MOCOS: variants seen among roughly 807,000 people sequenced by gnomAD.
The protein encoded by MOCOS is molybdenum cofactor sulfurase.
A neutral mutation model predicts 83.6 loss-of-function variants in MOCOS; 86 were observed. That is an observed-to-expected ratio of 1.03 (90% CI 0.86 to 1.23). The LOEUF (loss-of-function observed/expected upper bound fraction) is 1.23. Ranked by LOEUF, MOCOS falls within the 50% of genes most tolerant of loss-of-function variation. MOCOS has a pLI of 0.00. For synonymous variants in MOCOS, 445 were observed against 434.7 expected, an observed-to-expected ratio of 1.02 and a Z score of -0.29; for missense variants, 1,120 against 1,126.9, an observed-to-expected ratio of 0.99 and a Z score of 0.09.
intron 9 of MOCOS, among the ~76,000 whole-genome samples, chr18:36,239,608 G>T (rs987042202): frequency 1.4e-5 from 2 of 145,834 alleles, no homozygotes; most frequent in African/African-American, 5.2e-5. Flanking sequence ...TGACAATTAT[G>T]TGTCTTGGAG....
chr18:36,261,556 AT>A (rs2091663433), intron 13 of MOCOS, among the ~76,000 whole-genome samples: 1 of 152,214 alleles, frequency 6.6e-6, no homozygotes, highest in Admixed American at 6.5e-5. Flanking sequence ...AGTCATTTGA[AT>A]CTTTATTAAA....
rs71168207 is a variant in MOCOS at position 36,226,714 on chromosome 18, C to CTTT, written c.1960+6506_1960+6508dup. ...TTTGTGTAACTTCTATAGGTTTTTTCTTTTTTTTTTTGGTGTGTAGTTATT... is the reference window on the plus strand; with the variant it reads ...TTTGTGTAACTTCTATAGGTTTTTTCTTTTTTTTTTTTTTGGTGTGTAGTTATT... On this transcript the variant is annotated intron_variant, in intron 9 of 14. Coordinates refer to ENST00000261326, the MANE Select transcript of MOCOS (RefSeq NM_017947.4). 5.7e-3 allele frequency among the ~76,000 whole-genome samples: 822 copies of CTTT among 143,268 alleles called. 8 individuals are homozygous for CTTT. Among genetic ancestry groups the CTTT allele is most frequent in the Admixed American group, 8.4e-3 (121 of 14,354 alleles). The allele number at this position is 143,268 out of a possible 152,430, so 94.0% of individuals were successfully genotyped here. A position where few individuals can be genotyped will look rare whatever the true frequency, so the allele number is the denominator to read the frequency against.
chr18:36,194,688 C>T (rs1378311689), intron 1 of MOCOS, among the ~76,000 whole-genome samples: 3 of 152,244 alleles, frequency 2.0e-5, no homozygotes, highest in Non-Finnish European at 4.4e-5. Flanking sequence ...TGTTTCGCCA[C>T]AGCTTCATTC....
At chr18:36,216,340 A>T (rs1211685528) in intron 8 of MOCOS, among the ~76,000 whole-genome samples, 2 of 152,256 alleles carry the variant, frequency 1.3e-5, no homozygotes, top group Non-Finnish European at 2.9e-5. Flanking sequence ...CCTATTTTAT[A>T]GATATGGAGC....
chr18:36,253,449 C>T (rs1598592685), intron 11 of MOCOS, among the ~76,000 whole-genome samples: 1 of 152,082 alleles, frequency 6.6e-6, no homozygotes, highest in Non-Finnish European at 1.5e-5. Context: ...GGGCAGATCA[C>T]GAGGTCAGGA....
chr18:36,251,398 G>T, intron 11 of MOCOS, 115 bp downstream of exon 11: 2 of 1,394,332 alleles, frequency 1.4e-6, no homozygotes, highest in Admixed American at 3.4e-5. Context: ...GGAAAGCAGG[G>T]GTCATCAGCC....
intron 6 of MOCOS, among the ~76,000 whole-genome samples, chr18:36,213,123 A>C (rs1216031164): frequency 6.6e-6 from 1 of 152,206 alleles, no homozygotes; most frequent in Non-Finnish European, 1.5e-5. Context: ...GCTCGGAATA[A>C]CACTTCGCGG....
chr18:36,217,403 G>A (rs1246391087), intron 8 of MOCOS, among the ~76,000 whole-genome samples: 1 of 152,120 alleles, frequency 6.6e-6, no homozygotes, highest in Non-Finnish European at 1.5e-5. Context: ...TGTGGCATCA[G>A]TAAATAATGT....
chr18:36,260,770 T>C (rs1002789661), intron 13 of MOCOS, among the ~76,000 whole-genome samples: 1 of 151,944 alleles, frequency 6.6e-6, no homozygotes, highest in African/African-American at 2.4e-5. Context: ...CTCACATGGT[T>C]GACAAGGCCC....
chr18:36,259,434 G>C (rs994425211), intron 12 of MOCOS, among the ~76,000 whole-genome samples: 3 of 122,690 alleles, frequency 2.4e-5, no homozygotes, highest in African/African-American at 9.5e-5. Context: ...GGGTGACAGA[G>C]CAAGACCTTG....
At chr18:36,243,523 G>T (rs2091591699) in intron 9 of MOCOS, among the ~76,000 whole-genome samples, 2 of 151,796 alleles carry the variant, frequency 1.3e-5, no homozygotes, top group Admixed American at 1.3e-4. Context: ...CTAGGATTTT[G>T]TTGAGGATTT....
chr18:36,195,453 G>A, intron 2 of MOCOS, 107 bp downstream of exon 2: 1 of 1,049,490 alleles, frequency 9.5e-7, no homozygotes. Context: ...ACCACAAAAA[G>A]CTGAATAAGC....
chr18:36,259,622 A>C (rs1170672149), intron 12 of MOCOS, among the ~76,000 whole-genome samples: 1 of 151,500 alleles, frequency 6.6e-6, no homozygotes, highest in East Asian at 1.9e-4. Context: ...ATGAGATCTC[A>C]GTGCTTCTTA....
chr18:36,198,686 C>A lies in MOCOS; in HGVS notation c.233-4C>A. ...TTGGTGGCCTTGTCTTTGTAACCTG[C>A]CAGGTAATCCTCACAGCCAGAACAT... On this transcript the variant is annotated splice_polypyrimidine_tract_variant and splice_region_variant and intron_variant, in intron 2 of 14. Coordinates refer to ENST00000261326, the MANE Select transcript of MOCOS (RefSeq NM_017947.4). The A allele has an allele frequency of 6.2e-7, 1 of 1,614,106 alleles. No individual in the cohort carries two copies. Among genetic ancestry groups the A allele is most frequent in the Non-Finnish European group, 8.5e-7 (1 of 1,179,986 alleles).
At position 36,236,757 on chromosome 18, in the gene MOCOS, C is replaced by T. The variant is rs1285294938; in HGVS notation, c.1961-12165C>T. On this transcript the variant is annotated intron_variant, in intron 9 of 14. Coordinates refer to ENST00000261326, the MANE Select transcript of MOCOS (RefSeq NM_017947.4). Reference sequence around the variant, plus strand: ...ATTTTCACGATATTGATTCTTCCTACCCATGAGCATGGAATGTTCTTCCAT... The same window carrying T: ...ATTTTCACGATATTGATTCTTCCTATCCATGAGCATGGAATGTTCTTCCAT... Among the ~76,000 whole-genome samples, 10 of 141,312 alleles carry T rather than the reference C, an allele frequency of 7.1e-5. No homozygotes were observed. In the East Asian group the frequency reaches 1.6e-3, roughly 23 times the overall value. 92.7% of individuals were successfully genotyped at this position (141,312 alleles called of 152,430 possible). A position where few individuals can be genotyped will look rare whatever the true frequency, so the allele number is the denominator to read the frequency against.
At chr18:36,249,034 T>C in intron 10 of MOCOS, 34 bp downstream of exon 10, 1 of 1,581,512 alleles carries the variant, frequency 6.3e-7, no homozygotes, top group African/African-American at 1.3e-5. Context: ...ATCTCAGCTT[T>C]ATTGACAGGC....
At chr18:36,265,235 A>T (rs1260778914) in intron 13 of MOCOS, among the ~76,000 whole-genome samples, 1 of 152,264 alleles carries the variant, frequency 6.6e-6, no homozygotes, top group Admixed American at 6.5e-5. Flanking sequence ...CATGCAAGAC[A>T]TGGATCATGA....
At chr18:36,241,750 C>T (rs2091583931) in intron 9 of MOCOS, among the ~76,000 whole-genome samples, 1 of 152,252 alleles carries the variant, frequency 6.6e-6, no homozygotes, top group Non-Finnish European at 1.5e-5. Flanking sequence ...TTCTTACATC[C>T]TCTGAAATCT....
Position 36,257,091 on chromosome 18 carries a change from G to T in MOCOS, c.2270+18G>T, listed in dbSNP as rs368621821. On this transcript the variant is annotated intron_variant, in intron 12 of 14. Transcript: ENST00000261326. ...AACACCAGGTAAGACCTCATACCTCGGGACTAGCAGACAAGCATAACCATT... is the reference window on the plus strand; with the variant it reads ...AACACCAGGTAAGACCTCATACCTCTGGACTAGCAGACAAGCATAACCATT... The T allele has an allele frequency of 5.6e-6, 9 of 1,595,872 alleles. No homozygotes were observed. The highest frequency in any genetic ancestry group is 7.7e-6 in the Non-Finnish European group (9 of 1,163,556).
Sources: allele counts gnomAD v4.1 joint callset (sites outside exome capture counted in the v4.1 genomes callset), GRCh38; gene constraint gnomAD v4.1.1; transcripts MANE v1.5; gene names NCBI Gene and HGNC (gene_info 2026-07-23, HGNC 2026-07-21).